Variants in CTNNA1 observed in about 807,000 individuals in gnomAD.
The protein encoded by CTNNA1 is catenin alpha 1, also known as catenin alpha-1.
A neutral mutation model predicts 98.4 loss-of-function variants in CTNNA1; 37 were observed. The observed-to-expected ratio is 0.38, with a 90% CI of 0.29 to 0.49. CTNNA1 has a LOEUF of 0.49. Ranked by LOEUF, CTNNA1 falls within the 20% of genes least tolerant of loss-of-function variation. The pLI is 0.95. For missense variants in CTNNA1, 761 were observed against 1,147.2 expected (o/e 0.66, Z 4.86); for synonymous variants, 404 against 413.2 (o/e 0.98, Z 0.27).
intron 5 of CTNNA1, among the ~76,000 whole-genome samples, chr5:138,814,291 C>G (rs1025173432): frequency 2.0e-5 from 3 of 151,388 alleles, no homozygotes; most frequent in African/African-American, 7.3e-5. Context: ...TCTTGTTGCC[C>G]AGGCTGGAGC....
chr5:138,924,617 G>A lies in CTNNA1; in HGVS notation c.1654G>A (p.Val552Ile). The part of the protein sequence containing the change: ...AGAIRGRAAR[V>I]IHVVTSEMDN... The stretch of plus-strand genomic sequence containing the variant: ...TGCAATTCGAGGCCGGGCAGCCCGG[G>A]TCATTCACGTAGTCACCTCAGAGAT... Residue 552 changes from valine to isoleucine, a missense_variant, in exon 12 of 18, where the codon GTC becomes ATC. Val to Ile is a conservative substitution (Grantham distance 29, BLOSUM62 3). This residue lies in a region of CTNNA1 where 287 missense variants were observed against 436.0 expected (regional missense o/e 0.66). Transcript: ENST00000302763. 6.2e-7 allele frequency: 1 copy of A among 1,613,796 alleles called. No individual in the cohort carries two copies. The highest frequency in any genetic ancestry group is 8.5e-7 in the Non-Finnish European group (1 of 1,179,856).
intron 7 of CTNNA1, among the ~76,000 whole-genome samples, chr5:138,852,231 A>G (rs1032381145): frequency 1.3e-5 from 2 of 152,284 alleles, no homozygotes; most frequent in Middle Eastern, 6.8e-3. Context: ...CAATACTTTT[A>G]ACATTGCCTC....
Position 138,874,590 on chromosome 5 carries a change from A to T in CTNNA1, c.1063-11622A>T. 1 of 1,368,156 alleles carries T rather than the reference A, an allele frequency of 7.3e-7. No individual in the cohort carries two copies. Among genetic ancestry groups the T allele is most frequent in the Non-Finnish European group, 9.9e-7 (1 of 1,014,510 alleles). The allele number at this position is 1,368,156 out of a possible 1,614,324, so 84.8% of individuals were successfully genotyped here. On this transcript the variant is annotated intron_variant, in intron 7 of 17. Transcript: ENST00000302763. This position sits in a 1 kb window ranked among gnomAD's most constrained non-coding sequence, Gnocchi z 4.1. ...TATAATTTAAGGAAAACAAGAAGAT[A>T]GGATATTTTTCAGCAGAACATATGG...
intron 7 of CTNNA1, among the ~76,000 whole-genome samples, chr5:138,842,236 G>A (rs1434938202): frequency 1.3e-5 from 2 of 152,096 alleles, no homozygotes. Context: ...GGAAGTTGAG[G>A]CTGCAGTGAG....
At chr5:138,800,768 A>C (rs535855846) in intron 3 of CTNNA1, among the ~76,000 whole-genome samples, 2 of 152,252 alleles carry the variant, frequency 1.3e-5, no homozygotes, top group African/African-American at 4.8e-5. Flanking sequence ...GCGCCACTGC[A>C]TTCCAGCCTG....
chr5:138,918,854 C>G (rs1217035231), intron 11 of CTNNA1, among the ~76,000 whole-genome samples: 1 of 152,142 alleles, frequency 6.6e-6, no homozygotes, highest in Non-Finnish European at 1.5e-5. Context: ...CCCCAGGGAA[C>G]CACGGGCTAG....
rs571749949 is a variant in CTNNA1 at position 138,764,477 on chromosome 5, T to C, written c.-3+10967T>C. Among the ~76,000 whole-genome samples, 5 of 152,236 alleles carry C rather than the reference T, an allele frequency of 3.3e-5. No individual in the cohort carries two copies. In the South Asian group the frequency reaches 6.2e-4, roughly 19 times the overall value. On this transcript the variant is annotated intron_variant, in intron 1 of 17. Coordinates refer to ENST00000302763, the MANE Select transcript of CTNNA1 (RefSeq NM_001903.5). ...AATGGAAGATGGCAACTTTTTTCTT[T>C]TTTTTTAATTTGAGACGGAGTTTTG...
chr5:138,926,166 C>T (rs898125644), intron 13 of CTNNA1, among the ~76,000 whole-genome samples: 12 of 152,308 alleles, frequency 7.9e-5, no homozygotes, highest in African/African-American at 2.6e-4. Flanking sequence ...GTTCAGGTTG[C>T]GCCCTCGAGT....
chr5:138,852,871 G>GCGCACA (rs869240008), intron 7 of CTNNA1, among the ~76,000 whole-genome samples: 1 of 151,240 alleles, frequency 6.6e-6, no homozygotes, highest in Admixed American at 6.6e-5. Flanking sequence ...GCGCGCGCGC[G>GCGCACA]CACACACACA....
chr5:138,897,273 G>A (rs1757014046), intron 9 of CTNNA1, among the ~76,000 whole-genome samples: 2 of 116,974 alleles, frequency 1.7e-5, no homozygotes, highest in South Asian at 6.1e-4. Context: ...CTTTTGAGCT[G>A]TTACCTATAC....
intron 7 of CTNNA1, among the ~76,000 whole-genome samples, chr5:138,877,695 C>T (rs1031815447): frequency 3.9e-5 from 6 of 152,174 alleles, no homozygotes; most frequent in South Asian, 2.1e-4. Context: ...GATCCACCCG[C>T]CTCGGCCTCC....
intron 11 of CTNNA1, among the ~76,000 whole-genome samples, chr5:138,923,299 T>G (rs1763304375): frequency 6.6e-6 from 1 of 152,236 alleles, no homozygotes; most frequent in Admixed American, 6.5e-5. Flanking sequence ...AATCCATTTA[T>G]TCTTGTAATT....
chr5:138,786,425 C>G (rs1162237982), intron 3 of CTNNA1, among the ~76,000 whole-genome samples: 1 of 152,110 alleles, frequency 6.6e-6, no homozygotes, highest in Non-Finnish European at 1.5e-5. Flanking sequence ...AAGCCATTTA[C>G]TCATCGTTTG....
Position 138,874,509 on chromosome 5 carries a change from A to T in CTNNA1, c.1063-11703A>T. 6.2e-7 allele frequency: 1 copy of T among 1,602,098 alleles called. No individual in the cohort carries two copies. The highest frequency in any genetic ancestry group is 8.5e-7 in the Non-Finnish European group (1 of 1,172,632). On this transcript the variant is annotated intron_variant, in intron 7 of 17. Coordinates refer to ENST00000302763, the MANE Select transcript of CTNNA1 (RefSeq NM_001903.5). This position sits in a 1 kb window ranked among gnomAD's most constrained non-coding sequence, Gnocchi z 4.1. Reference sequence around the variant, plus strand: ...ATTTTTAAAACCATACTCATTGCATATATTGCTGCCAGCATAGGGGCCCCT... The same window carrying T: ...ATTTTTAAAACCATACTCATTGCATTTATTGCTGCCAGCATAGGGGCCCCT...
intron 9 of CTNNA1, 139 bp downstream of exon 9, chr5:138,887,781 C>T (rs1754401677): frequency 1.5e-6 from 1 of 679,776 alleles, no homozygotes; most frequent in Non-Finnish European, 2.4e-6. Flanking sequence ...CTTTCATTAT[C>T]ACTTAACATC....
At chr5:138,888,737 T>C (rs1337777713) in intron 9 of CTNNA1, among the ~76,000 whole-genome samples, 4 of 151,658 alleles carry the variant, frequency 2.6e-5, no homozygotes, top group Non-Finnish European at 5.9e-5. Context: ...TTTTTTTTTT[T>C]AGTAGAGACG....
At chr5:138,872,066 G>GTT (rs1469704997) in intron 7 of CTNNA1, 1 of 71,500 alleles carries the variant, frequency 1.4e-5, no homozygotes. Context: ...GTGTGTGTGT[G>GTT]TGCGCTTTTA....
At chr5:138,815,537 G>T (rs1759348884) in intron 5 of CTNNA1, among the ~76,000 whole-genome samples, 1 of 152,036 alleles carries the variant, frequency 6.6e-6, no homozygotes, top group African/African-American at 2.4e-5. Flanking sequence ...TACACATCTT[G>T]CTCCCTGGTT....
At chr5:138,919,937 G>T (rs565959327) in intron 11 of CTNNA1, among the ~76,000 whole-genome samples, 1 of 147,182 alleles carries the variant, frequency 6.8e-6, no homozygotes, top group Admixed American at 6.8e-5. Flanking sequence ...ATGTTCTTAC[G>T]TACATCCCTT....
Sources: allele counts gnomAD v4.1 joint callset (sites outside exome capture counted in the v4.1 genomes callset), GRCh38; gene constraint gnomAD v4.1.1; regional missense constraint gnomAD v4.1.1; non-coding constraint Gnocchi (gnomAD v3.1); transcripts MANE v1.5; gene names NCBI Gene and HGNC (gene_info 2026-07-23, HGNC 2026-07-21).